The following FAM240B variants were observed in gnomAD, a reference collection of about 807,000 sequenced individuals.
The protein encoded by FAM240B is family with sequence similarity 240 member B.
At position 38,694,730 on chromosome 9, in the gene FAM240B, A is replaced by G; in HGVS notation, c.*46T>C. Reference sequence around the variant, plus strand: ...TTGAGTGTTAGTTTTTTTCCCCTAGAAAAGTGGTCGCTTGCTATCTTTGAA... The same window carrying G: ...TTGAGTGTTAGTTTTTTTCCCCTAGGAAAGTGGTCGCTTGCTATCTTTGAA... On this transcript the variant is annotated 3_prime_UTR_variant, in exon 3 of 3. Coordinates refer to ENST00000637493, the MANE Select transcript of FAM240B (RefSeq NM_001394922.1). The G allele has an allele frequency of 2.5e-6, 1 of 398,554 alleles. No homozygotes were observed. Among genetic ancestry groups the G allele is most frequent in the African/African-American group, 2.1e-5 (1 of 48,730 alleles). 24.7% of individuals were successfully genotyped at this position (398,554 alleles called of 1,614,324 possible). A position where few individuals can be genotyped will look rare whatever the true frequency, so the allele number is the denominator to read the frequency against.
chr9:38,715,589 CAG>C (rs139984939), intron 1 of FAM240B, among the ~76,000 whole-genome samples: 2,093 of 152,328 alleles, frequency 0.014, 38 homozygotes, highest in African/African-American at 0.048. Context: ...GGCATGGTCC[CAG>C]AGTTACCTGA....
chr9:38,703,572 C>CAA, intron 2 of FAM240B, among the ~76,000 whole-genome samples: 1 of 152,346 alleles, frequency 6.6e-6, no homozygotes, highest in Admixed American at 6.5e-5. Flanking sequence ...CCCACCTGAC[C>CAA]AAAACCAGGA....
chr9:38,710,056 G>A (rs1373458205), intron 1 of FAM240B, among the ~76,000 whole-genome samples: 2 of 152,202 alleles, frequency 1.3e-5, no homozygotes, highest in Non-Finnish European at 1.5e-5. Flanking sequence ...TGCAACCTCC[G>A]CCTCCCGGGT....
rs954010536 is a variant in FAM240B at position 38,701,008 on chromosome 9, T to G, written c.143+2849A>C. Among the ~76,000 whole-genome samples, 7 of 152,216 alleles carry G rather than the reference T, an allele frequency of 4.6e-5. No homozygotes were observed. The East Asian group carries it at 1.2e-3, about 25-fold the overall frequency. On this transcript the variant is annotated intron_variant, in intron 2 of 2. Coordinates refer to ENST00000637493, the MANE Select transcript of FAM240B (RefSeq NM_001394922.1). ...ACGTAAGACATTACTGGATTTGTTC[T>G]CCTGTCAACAAAGGGATTTGGTGGG...
intron 2 of FAM240B, among the ~76,000 whole-genome samples, chr9:38,697,999 C>A (rs868576511): frequency 5.9e-5 from 9 of 152,206 alleles, no homozygotes; most frequent in South Asian, 4.1e-4. Context: ...TAGCCCTGCC[C>A]ACTTGTTTGT....
intron 2 of FAM240B, among the ~76,000 whole-genome samples, chr9:38,700,448 A>G (rs746870065): frequency 1.4e-4 from 22 of 152,224 alleles, no homozygotes; most frequent in South Asian, 4.1e-4. Flanking sequence ...TCTTGCCCGA[A>G]AACATTAGTA....
intron 1 of FAM240B, among the ~76,000 whole-genome samples, chr9:38,716,480 AT>A (rs1462625856): frequency 6.6e-6 from 1 of 151,642 alleles, no homozygotes; most frequent in African/African-American, 2.4e-5. Flanking sequence ...CTTAAATAAA[AT>A]AATTTTTTTA....
At chr9:38,706,338 C>T (rs55783901) in intron 1 of FAM240B, among the ~76,000 whole-genome samples, 8,389 of 152,162 alleles carry the variant, frequency 0.055, 323 homozygotes, top group Non-Finnish European at 0.086. Flanking sequence ...GCACTCTTCC[C>T]ACCGCTCCCG....
intron 2 of FAM240B, among the ~76,000 whole-genome samples, chr9:38,698,391 A>C (rs952050605): frequency 1.3e-5 from 2 of 152,362 alleles, no homozygotes; most frequent in Non-Finnish European, 1.5e-5. Flanking sequence ...AGGTTGGCAA[A>C]AATGAATAAA....
At chr9:38,699,475 A>AG in intron 2 of FAM240B, among the ~76,000 whole-genome samples, 1 of 152,258 alleles carries the variant, frequency 6.6e-6, no homozygotes, top group Admixed American at 6.5e-5. Flanking sequence ...GTGAAAAGAG[A>AG]GGGGGGAAGT....
rs1188595838 is a variant in FAM240B, at chr9:38,694,459, A to C, written c.*317T>G. ...GTCTCAAGACTTGAAACATTTCAAA[A>C]TGACAAGGAAATGTGGAAATATACT... On this transcript the variant is annotated 3_prime_UTR_variant, in exon 3 of 3. Coordinates refer to ENST00000637493, the MANE Select transcript of FAM240B (RefSeq NM_001394922.1). 4.4e-6 allele frequency: 1 copy of C among 227,164 alleles called. No individual in the cohort carries two copies. The highest frequency in any genetic ancestry group is 8.5e-6 in the Non-Finnish European group (1 of 117,502). 14.1% of individuals were successfully genotyped at this position (227,164 alleles called of 1,614,324 possible).
Position 38,694,770 on chromosome 9 carries a change from C to A in FAM240B, c.*6G>T, listed in dbSNP as rs1421110127. 2.5e-6 allele frequency: 1 copy of A among 398,474 alleles called. No individual in the cohort carries two copies. Among genetic ancestry groups the A allele is most frequent in the Admixed American group, 4.4e-5 (1 of 22,720 alleles). The allele number at this position is 398,474 out of a possible 1,614,324, so 24.7% of individuals were successfully genotyped here. On this transcript the variant is annotated 3_prime_UTR_variant, in exon 3 of 3. Coordinates refer to ENST00000637493, the MANE Select transcript of FAM240B (RefSeq NM_001394922.1). ...CTATCTTTGAAGTCGGTGAGGCAGG[C>A]AGAGCTCAGTCCGCGGTGTGTGCCG...
At chr9:38,705,626 A>T (rs1006876959) in intron 1 of FAM240B, 3 of 151,660 alleles carry the variant, frequency 2.0e-5, no homozygotes, top group African/African-American at 7.3e-5. Context: ...AGAAGAAATA[A>T]CATTTATTAT....
intron 2 of FAM240B, among the ~76,000 whole-genome samples, chr9:38,698,225 A>T: frequency 6.6e-6 from 1 of 152,046 alleles, no homozygotes; most frequent in African/African-American, 2.4e-5. Context: ...TATAAATAGC[A>T]AAAAAAATTG....
Position 38,706,093 on chromosome 9 carries a change from T to C in FAM240B, c.-3-2091A>G, listed in dbSNP as rs114472661. 3.9e-3 allele frequency among the ~76,000 whole-genome samples: 596 copies of C among 152,336 alleles called. 7 individuals carry two copies. The highest frequency in any genetic ancestry group is 0.014 in the African/African-American group (564 of 41,582). ...TGTTTTCTTATTTAAAACATTTTTA[T>C]TTTTTATTAAACATTTAAAAATAAT... On this transcript the variant is annotated intron_variant, in intron 1 of 2. Transcript: ENST00000637493.
chr9:38,704,924 A>T (rs578065877), intron 1 of FAM240B, among the ~76,000 whole-genome samples: 2 of 152,260 alleles, frequency 1.3e-5, no homozygotes, highest in African/African-American at 4.8e-5. Flanking sequence ...TGCTCTACAG[A>T]TCTTCTTTGC....
chr9:38,716,472 T>TAAATAAAATA (rs59040041), intron 1 of FAM240B, among the ~76,000 whole-genome samples: 1 of 150,936 alleles, frequency 6.6e-6, no homozygotes, highest in African/African-American at 2.4e-5. Flanking sequence ...ACTCCGCTCT[T>TAAATAAAATA]AAATAAAATA....
intron 1 of FAM240B, 132 bp downstream of exon 1, chr9:38,719,890 T>C (rs578240968): frequency 6.6e-6 from 1 of 152,278 alleles, no homozygotes; most frequent in South Asian, 2.1e-4. Flanking sequence ...AGCGTAGGTG[T>C]TCAAGGTGAA....
intron 1 of FAM240B, among the ~76,000 whole-genome samples, chr9:38,710,750 G>A (rs116406802): frequency 3.2e-3 from 485 of 152,292 alleles, no homozygotes; most frequent in African/African-American, 0.01. Context: ...CAGGTCTGTG[G>A]TCTCTGGCTT....
Sources: allele counts gnomAD v4.1 joint callset (sites outside exome capture counted in the v4.1 genomes callset), GRCh38; gene constraint gnomAD v4.1.1; transcripts MANE v1.5; gene names NCBI Gene and HGNC (gene_info 2026-07-23, HGNC 2026-07-21).